The following SNCAIP variants were observed in gnomAD, a reference collection of about 807,000 sequenced individuals.
SNCAIP encodes synphilin-1.
SNCAIP carries 43 observed loss-of-function variants against 86.7 expected under a neutral mutation model. The ratio of observed to expected loss-of-function variants is 0.50; its 90% CI spans 0.39 to 0.64. The LOEUF is 0.64. SNCAIP is among the 30% of genes least tolerant of loss of function. SNCAIP has a pLI of 0.00. For synonymous variants in SNCAIP, 417 were observed against 427.2 expected (o/e 0.98, Z 0.29); for missense variants, 981 against 1,103.1 (o/e 0.89, Z 1.57).
chr5:122,439,042 C>T (rs1012196513), intron 6 of SNCAIP, among the ~76,000 whole-genome samples: 7 of 152,268 alleles, frequency 4.6e-5, no homozygotes, highest in Middle Eastern at 6.8e-3. Context: ...AGTTAAGAAT[C>T]GTATGCTATA....
intron 1 of SNCAIP, among the ~76,000 whole-genome samples, chr5:122,348,554 A>C (rs541420873): frequency 6.6e-6 from 1 of 152,268 alleles, no homozygotes; most frequent in East Asian, 1.9e-4. Flanking sequence ...ATAACAATTT[A>C]ATGCAGTAAA....
chr5:122,324,483 T>C (rs999946610), intron 1 of SNCAIP, among the ~76,000 whole-genome samples: 2 of 152,248 alleles, frequency 1.3e-5, no homozygotes, highest in Non-Finnish European at 2.9e-5. Flanking sequence ...TTTCACAGTG[T>C]CTGGTATGTA....
In SNCAIP at chr5:122,451,298, C is replaced by T; in HGVS notation, c.2451C>T (p.Thr817=). 1 of 1,614,132 alleles carries T rather than the reference C, an allele frequency of 6.2e-7. No individual in the cohort carries two copies. Among genetic ancestry groups the T allele is most frequent in the Non-Finnish European group, 8.5e-7 (1 of 1,180,016 alleles). The change falls in exon 10 of 11, where the codon ACC becomes ACT. Residue 817 remains threonine (T), a synonymous_variant. Transcript: ENST00000261368. ...CTCAGAACTTAAAACTGAGAGTTAC[C>T]TTTGAGGAGCCTGTGGTGCAGATGG... ...RTSQNLKLRV[T]FEEPVVQMEQ... is the part of the protein sequence containing the mutation.
intron 3 of SNCAIP, among the ~76,000 whole-genome samples, chr5:122,412,714 G>A (rs1774393865): frequency 6.6e-6 from 1 of 152,024 alleles, no homozygotes; most frequent in South Asian, 2.1e-4. Context: ...CTATTTAATG[G>A]CCCACTCAAT....
chr5:122,378,324 T>G (rs1301084834), intron 1 of SNCAIP, among the ~76,000 whole-genome samples: 7 of 137,898 alleles, frequency 5.1e-5, no homozygotes, highest in African/African-American at 1.9e-4. Flanking sequence ...GTTTTTTGGC[T>G]GCATAAATGT....
At chr5:122,339,119 C>A (rs530176034) in intron 1 of SNCAIP, among the ~76,000 whole-genome samples, 1 of 150,362 alleles carries the variant, frequency 6.7e-6, no homozygotes, top group Non-Finnish European at 1.5e-5. Context: ...AGTTTGTGAT[C>A]ATTTGGGAAT....
intron 1 of SNCAIP, among the ~76,000 whole-genome samples, chr5:122,356,740 G>T (rs1264878224): frequency 6.6e-6 from 1 of 152,050 alleles, no homozygotes; most frequent in African/African-American, 2.4e-5. Flanking sequence ...ACACATATGT[G>T]CTTACCACAT....
intron 1 of SNCAIP, among the ~76,000 whole-genome samples, chr5:122,329,882 C>T (rs965014368): frequency 8.5e-5 from 13 of 152,094 alleles, no homozygotes; most frequent in Admixed American, 2.6e-4. Flanking sequence ...TAGGAGTTGT[C>T]AATGGAGACT....
chr5:122,450,036 A>G, intron 9 of SNCAIP, 99 bp downstream of exon 9: 1 of 875,914 alleles, frequency 1.1e-6, no homozygotes. Flanking sequence ...ATGACAACAG[A>G]AAACATTTTC....
intron 1 of SNCAIP, among the ~76,000 whole-genome samples, chr5:122,324,144 A>G (rs1447681476): frequency 2.0e-5 from 3 of 152,192 alleles, no homozygotes; most frequent in Non-Finnish European, 2.9e-5. Context: ...GCCCTTCCAC[A>G]AAGGGACTGG....
At chr5:122,398,688 A>C (rs1039182177) in intron 2 of SNCAIP, among the ~76,000 whole-genome samples, 2 of 152,132 alleles carry the variant, frequency 1.3e-5, no homozygotes, top group Non-Finnish European at 2.9e-5. Context: ...GAAAGTCTCT[A>C]GCTTGCAAAG....
intron 7 of SNCAIP, among the ~76,000 whole-genome samples, chr5:122,442,940 G>C (rs577692842): frequency 2.6e-4 from 39 of 152,272 alleles, no homozygotes; most frequent in African/African-American, 8.9e-4. Flanking sequence ...CCGAGAGTGA[G>C]CAAGGGACCC....
chr5:122,446,286 C>T (rs1008160720), intron 8 of SNCAIP, among the ~76,000 whole-genome samples: 3 of 152,200 alleles, frequency 2.0e-5, no homozygotes, highest in African/African-American at 7.2e-5. Context: ...AAATGCTATA[C>T]TAATGTCCAC....
chr5:122,391,399 A>T (rs554871785), intron 2 of SNCAIP, among the ~76,000 whole-genome samples: 31 of 152,326 alleles, frequency 2.0e-4, no homozygotes, highest in African/African-American at 7.0e-4. Context: ...GTTTTGGAAG[A>T]TGAGTCATTT....
rs114212936 is a variant in SNCAIP at position 122,325,045 on chromosome 5, G to A, written c.-47+12761G>A. The stretch of plus-strand genomic sequence containing the variant: ...CTTACTGTGTGTGATTTGGAACAGC[G>A]TATTGAACCCCTCAGTATTTTGATA... On this transcript the variant is annotated intron_variant, in intron 1 of 10. Transcript: ENST00000261368. Among the ~76,000 whole-genome samples the A allele has an allele frequency of 5.0e-3, 765 of 152,254 alleles. 5 individuals are homozygous for A. Among genetic ancestry groups the A allele is most frequent in the African/African-American group, 0.017 (704 of 41,536 alleles).
intron 3 of SNCAIP, among the ~76,000 whole-genome samples, chr5:122,405,222 A>G (rs897336019): frequency 3.9e-5 from 6 of 152,194 alleles, no homozygotes; most frequent in African/African-American, 1.4e-4. Flanking sequence ...ATGACCTTGA[A>G]TCTGTGACTA....
At position 122,450,893 on chromosome 5, in the gene SNCAIP, C is replaced by G. The variant is rs1314804140; in HGVS notation, c.2046C>G (p.Ser682=). 2 of 1,614,006 alleles carry G rather than the reference C, an allele frequency of 1.2e-6. No individual in the cohort carries two copies. The highest frequency in any genetic ancestry group is 1.7e-6 in the Non-Finnish European group (2 of 1,179,944). ...QRSLSESDTD[S]NNSEDPKTTP... ...CACTGAGTGAGTCTGACACAGACTC[C>G]AACAACTCTGAGGACCCCAAGACTA... Residue 682 remains serine (S), a synonymous_variant, in exon 10 of 11, where the codon TCC becomes TCG. Transcript: ENST00000261368.
At chr5:122,353,117 C>T (rs1760208816) in intron 1 of SNCAIP, among the ~76,000 whole-genome samples, 1 of 152,114 alleles carries the variant, frequency 6.6e-6, no homozygotes, top group South Asian at 2.1e-4. Flanking sequence ...TAGTACTTGG[C>T]ATCAGCAGAA....
intron 7 of SNCAIP, among the ~76,000 whole-genome samples, chr5:122,442,253 G>A (rs1781181230): frequency 6.6e-6 from 1 of 151,336 alleles, no homozygotes; most frequent in African/African-American, 2.4e-5. Flanking sequence ...AAAACTGAGA[G>A]GTGAGAACCA....
Sources: allele counts gnomAD v4.1 joint callset (sites outside exome capture counted in the v4.1 genomes callset), GRCh38; gene constraint gnomAD v4.1.1; transcripts MANE v1.5; gene names NCBI Gene and HGNC (gene_info 2026-07-23, HGNC 2026-07-21).